The following NDST3 variants were observed in gnomAD, a reference collection of about 807,000 sequenced individuals.
The protein encoded by NDST3 is bifunctional heparan sulfate N-deacetylase/N-sulfotransferase 3.
In NDST3, 58 loss-of-function variants were observed where a neutral mutation model predicts 96.1. The ratio of observed to expected loss-of-function variants is 0.60; its 90% CI spans 0.49 to 0.75. The LOEUF (loss-of-function observed/expected upper bound fraction) is 0.75, where lower values mean the gene tolerates loss of function less well. Among genes scored for constraint, NDST3 ranks in the 30% least tolerant of loss-of-function variants. The pLI is 0.00. For missense variants in NDST3, 788 were observed against 1,034.2 expected (o/e 0.76, Z 3.27); for synonymous variants, 333 against 359.7 (o/e 0.93, Z 0.84).
intron 4 of NDST3, among the ~76,000 whole-genome samples, chr4:118,117,229 A>G (rs1193940729): frequency 1.3e-5 from 2 of 152,186 alleles, no homozygotes; most frequent in Non-Finnish European, 2.9e-5. Flanking sequence ...GTCCCTCCCC[A>G]GCCATAACAA....
chr4:118,252,719 C>T (rs1314432400), intron 12 of NDST3, among the ~76,000 whole-genome samples: 2 of 152,062 alleles, frequency 1.3e-5, no homozygotes, highest in Admixed American at 6.5e-5. Flanking sequence ...GGAGAAACTC[C>T]GTCTCTACTA....
intron 6 of NDST3, among the ~76,000 whole-genome samples, chr4:118,168,461 C>CAT (rs201212819): frequency 6.6e-6 from 1 of 151,966 alleles, no homozygotes; most frequent in Non-Finnish European, 1.5e-5. Flanking sequence ...TCACTAATCT[C>CAT]ATATATATAC....
rs1198370172 is a variant in NDST3, at chr4:118,227,089, AATAAC to A, written c.1819+110_1819+114del. On this transcript the variant is annotated intron_variant, in intron 8 of 13. Transcript: ENST00000296499. ...AACTTCCCATAACTGCTAATGAATGAATAACATGTTTTTCTCTGACATAATTTTCA... is the reference window on the plus strand; with the variant it reads ...AACTTCCCATAACTGCTAATGAATGAATGTTTTTCTCTGACATAATTTTCA... 4 of 724,430 alleles carry A rather than the reference AATAAC, an allele frequency of 5.5e-6. No individual in the cohort carries two copies. In the African/African-American group the frequency reaches 7.1e-5, roughly 13 times the overall value. 44.9% of individuals were successfully genotyped at this position (724,430 alleles called of 1,614,324 possible).
At chr4:118,062,438 C>A (rs1725971190) in intron 2 of NDST3, among the ~76,000 whole-genome samples, 1 of 152,068 alleles carries the variant, frequency 6.6e-6, no homozygotes, top group Admixed American at 6.6e-5. Flanking sequence ...CAATTTGAGA[C>A]CATTCTTCTC....
intron 4 of NDST3, among the ~76,000 whole-genome samples, chr4:118,115,223 A>G (rs747693866): frequency 6.6e-6 from 1 of 152,208 alleles, no homozygotes; most frequent in Admixed American, 6.5e-5. Flanking sequence ...AGCACCTAAG[A>G]CATGGCTCCT....
At chr4:118,145,155 C>T (rs984113527) in intron 6 of NDST3, among the ~76,000 whole-genome samples, 1 of 152,166 alleles carries the variant, frequency 6.6e-6, no homozygotes, top group Non-Finnish European at 1.5e-5. Context: ...TTTTGAGTCT[C>T]CTTATACAGC....
chr4:118,055,737 C>G (rs978027684), intron 2 of NDST3: 6 of 151,892 alleles, frequency 4.0e-5, no homozygotes, highest in Admixed American at 1.3e-4. Flanking sequence ...AAAAGTGAGA[C>G]TTTTGATACA....
At chr4:118,198,737 A>T (rs1289567742) in intron 6 of NDST3, among the ~76,000 whole-genome samples, 2 of 150,298 alleles carry the variant, frequency 1.3e-5, no homozygotes, top group South Asian at 2.1e-4. Flanking sequence ...TAAAAAAAAA[A>T]GTCTGATGTT....
chr4:118,056,279 GT>G (rs1560611421), intron 2 of NDST3, among the ~76,000 whole-genome samples: 1 of 151,720 alleles, frequency 6.6e-6, no homozygotes, highest in African/African-American at 2.4e-5. Flanking sequence ...AAATCCCTGA[GT>G]TTTGTATGTA....
intron 6 of NDST3, among the ~76,000 whole-genome samples, chr4:118,168,870 C>T (rs561622814): frequency 6.6e-6 from 1 of 152,122 alleles, no homozygotes; most frequent in African/African-American, 2.4e-5. Flanking sequence ...ATAAGTCAGT[C>T]ACAGAAGAAC....
chr4:118,179,090 C>G (rs890350049), intron 6 of NDST3, among the ~76,000 whole-genome samples: 1 of 151,994 alleles, frequency 6.6e-6, no homozygotes, highest in Non-Finnish European at 1.5e-5. Context: ...ATAAACCTGT[C>G]TGACTTTTGC....
chr4:118,154,191 T>C (rs902321851), intron 6 of NDST3, among the ~76,000 whole-genome samples: 7 of 152,220 alleles, frequency 4.6e-5, no homozygotes, highest in African/African-American at 1.4e-4. Context: ...ATATCAGGAA[T>C]AGAATTTCTA....
chr4:118,165,556 T>A (rs1735494148), intron 6 of NDST3, among the ~76,000 whole-genome samples: 1 of 151,994 alleles, frequency 6.6e-6, no homozygotes, highest in Non-Finnish European at 1.5e-5. Flanking sequence ...AACAACACTA[T>A]AGACCCAATT....
Position 118,240,685 on chromosome 4 carries a change from C to T in NDST3, c.2280C>T (p.Pro760=). 6.2e-7 allele frequency: 1 copy of T among 1,613,206 alleles called. No individual in the cohort carries two copies. The highest frequency in any genetic ancestry group is 2.2e-5 in the East Asian group (1 of 44,864). ...SHIERWLVYF[P]PFQLLIIDGQ... ...TCGAGAGATGGCTTGTTTATTTCCC[C>T]CCATTTCAGGTATGGAGTAATAAGG... Residue 760 remains proline, a synonymous_variant, in exon 11 of 14, where the codon CCC becomes CCT. Transcript: ENST00000296499.
At chr4:118,108,729 T>C (rs1730404062) in intron 3 of NDST3, among the ~76,000 whole-genome samples, 1 of 152,214 alleles carries the variant, frequency 6.6e-6, no homozygotes, top group East Asian at 1.9e-4. Context: ...GAATACAATA[T>C]GTATAATCAT....
chr4:118,117,693 T>C (rs1368015842), intron 4 of NDST3, among the ~76,000 whole-genome samples: 1 of 152,178 alleles, frequency 6.6e-6, no homozygotes, highest in African/African-American at 2.4e-5. Flanking sequence ...CAGTGACTTA[T>C]TCATGATTAT....
chr4:118,202,398 C>T (rs1738147828), intron 6 of NDST3, among the ~76,000 whole-genome samples: 1 of 152,096 alleles, frequency 6.6e-6, no homozygotes, highest in Non-Finnish European at 1.5e-5. Flanking sequence ...GAATCTTTAA[C>T]TTGCTTTGGA....
intron 6 of NDST3, among the ~76,000 whole-genome samples, chr4:118,174,002 A>C (rs918566182): frequency 2.6e-5 from 4 of 152,244 alleles, no homozygotes; most frequent in African/African-American, 7.2e-5. Context: ...TACACTTTGC[A>C]ACATTTCACT....
intron 2 of NDST3, among the ~76,000 whole-genome samples, chr4:118,088,938 T>C (rs1286358742): frequency 6.6e-6 from 1 of 151,814 alleles, no homozygotes; most frequent in Non-Finnish European, 1.5e-5. Flanking sequence ...CAAAAGAAAA[T>C]TGTAGGTTTC....
Sources: gnomAD v4.1 joint callset for allele counts (sites outside exome capture counted in the v4.1 genomes callset) on GRCh38, gnomAD v4.1.1 for gene constraint, MANE v1.5 for transcripts, NCBI Gene and HGNC (gene_info 2026-07-23, HGNC 2026-07-21) for gene names.